The following SCARA3 variants were observed in gnomAD, a reference collection of about 807,000 sequenced individuals.
SCARA3 encodes the protein cellular stress response gene protein.
Under a neutral mutation model 47.0 loss-of-function variants are expected in SCARA3, and 39 were observed. That is an observed-to-expected ratio of 0.83 (90% CI 0.64 to 1.08). The LOEUF (loss-of-function observed/expected upper bound fraction) is 1.08, where lower values mean the gene tolerates loss of function less well. SCARA3 is among the 50% of genes least tolerant of loss of function. The pLI, the probability that SCARA3 is intolerant of heterozygous loss-of-function variation, is 0.00. For synonymous variants in SCARA3, 356 were observed against 334.1 expected (o/e 1.07, Z -0.71); for missense variants, 724 against 792.3 (o/e 0.91, Z 1.04).
intron 4 of SCARA3, 110 bp from the exon 5 acceptor site, chr8:27,658,386 G>T: frequency 9.6e-7 from 1 of 1,037,118 alleles, no homozygotes; most frequent in Non-Finnish European, 1.4e-6. Context: ...AAGGAAGTTG[G>T]TTTGGGAAGC....
chr8:27,668,329 A>G (rs1346705324), intron 5 of SCARA3, among the ~76,000 whole-genome samples: 1 of 150,624 alleles, frequency 6.6e-6, no homozygotes, highest in Non-Finnish European at 1.5e-5. Context: ...TCATGAGGTC[A>G]GGAGATCGAG....
the SCARA3 span, among the ~76,000 whole-genome samples, chr8:27,715,106 T>C: frequency 6.6e-6 from 1 of 152,016 alleles, no homozygotes; most frequent in East Asian, 1.9e-4. This position sits in a 1 kb window ranked among gnomAD's most constrained non-coding sequence, Gnocchi z 4.2. Flanking sequence ...TTTTATTTTT[T>C]GTACAGATGA....
At chr8:27,656,292 A>T (rs1447892618) in intron 3 of SCARA3, among the ~76,000 whole-genome samples, 1 of 152,194 alleles carries the variant, frequency 6.6e-6, no homozygotes, top group African/African-American at 2.4e-5. Context: ...TTAAGTACGT[A>T]TGTATAGGAA....
At chr8:27,705,737 T>A in the SCARA3 span, among the ~76,000 whole-genome samples, 3 of 152,220 alleles carry the variant, frequency 2.0e-5, no homozygotes, top group Non-Finnish European at 4.4e-5. Context: ...TGTAGCTTAG[T>A]GAGGACAAGC....
rs1802195287 is a variant in SCARA3, at chr8:27,672,668, G to A, written c.*1317G>A. 1 of 985,620 alleles carries A rather than the reference G, an allele frequency of 1.0e-6. No individual in the cohort carries two copies. Among genetic ancestry groups the A allele is most frequent in the Non-Finnish European group, 1.2e-6 (1 of 830,072 alleles). 61.1% of individuals were successfully genotyped at this position (985,620 alleles called of 1,614,324 possible). On this transcript the variant is annotated 3_prime_UTR_variant, in exon 6 of 6. Transcript: ENST00000301904. Reference sequence around the variant, plus strand: ...AGGCCCCCTCTGTCATCACTCCTTGGCACCCACCAACTTCCTGCACACACT... The same window carrying A: ...AGGCCCCCTCTGTCATCACTCCTTGACACCCACCAACTTCCTGCACACACT...
intron 5 of SCARA3, among the ~76,000 whole-genome samples, chr8:27,667,510 G>A (rs1180930400): frequency 2.0e-5 from 3 of 152,230 alleles, no homozygotes; most frequent in Non-Finnish European, 4.4e-5. Context: ...GTAGCGGCAT[G>A]GGGGAAGGAG....
chr8:27,641,422 G>C (rs35943509), intron 1 of SCARA3, among the ~76,000 whole-genome samples: 4,382 of 152,350 alleles, frequency 0.029, 178 homozygotes, highest in African/African-American at 0.096. Context: ...GAGGTGGGCT[G>C]ACCTGAGGAG....
chr8:27,662,210 C>A (rs1336427749), intron 5 of SCARA3, among the ~76,000 whole-genome samples: 1 of 152,192 alleles, frequency 6.6e-6, no homozygotes, highest in African/African-American at 2.4e-5. Flanking sequence ...CCATTACCTC[C>A]CCTTCATTTC....
At chr8:27,692,217 C>T in the SCARA3 span, among the ~76,000 whole-genome samples, 86 of 152,136 alleles carry the variant, frequency 5.7e-4, no homozygotes, top group African/African-American at 2.0e-3. Context: ...GTCGGGAGTT[C>T]GAGACCAGCC....
the SCARA3 span, among the ~76,000 whole-genome samples, chr8:27,712,895 A>C: frequency 6.6e-6 from 1 of 152,224 alleles, no homozygotes. Context: ...ACTCATGAAA[A>C]AGTTCCAAGT....
the SCARA3 span, among the ~76,000 whole-genome samples, chr8:27,719,841 C>A: frequency 7.9e-5 from 12 of 152,146 alleles, no homozygotes; most frequent in African/African-American, 2.9e-4. Context: ...AGACCTCTGT[C>A]ACCAAAATGT....
chr8:27,693,925 G>A, the SCARA3 span, among the ~76,000 whole-genome samples: 5 of 152,140 alleles, frequency 3.3e-5, no homozygotes, highest in South Asian at 2.1e-4. Flanking sequence ...ACCAATGTAC[G>A]TCTTACAGGT....
At chr8:27,712,679 C>G in the SCARA3 span, among the ~76,000 whole-genome samples, 1 of 152,038 alleles carries the variant, frequency 6.6e-6, no homozygotes, top group African/African-American at 2.4e-5. Context: ...TATCCATTCC[C>G]CTCTGAAGAA....
At chr8:27,732,276 G>A in the SCARA3 span, among the ~76,000 whole-genome samples, 1 of 152,084 alleles carries the variant, frequency 6.6e-6, no homozygotes, top group African/African-American at 2.4e-5. Context: ...CACTCACCAG[G>A]CTTGAGAACT....
In SCARA3 at chr8:27,671,107, G is replaced by A. The variant is rs769764877; in HGVS notation, c.1577G>A (p.Gly526Asp). Residue 526 changes from glycine (G) to aspartate (D), a missense_variant, in exon 6 of 6, where the codon GGC (glycine) becomes GAC (aspartate). By Grantham distance (94) the Gly-to-Asp change is moderately conservative. Coordinates refer to ENST00000301904, the MANE Select transcript of SCARA3 (RefSeq NM_016240.3). Reference sequence around the variant, plus strand: ...TTCCCAGGCCTCAAAGGCTCAAAGGGCAGCTTTGGAACTGGAGGGCCGAGA... The same window carrying A: ...TTCCCAGGCCTCAAAGGCTCAAAGGACAGCTTTGGAACTGGAGGGCCGAGA... Reference protein sequence around the residue: ...RGFPGLKGSKGSFGTGGPRGQ... With the variant: ...RGFPGLKGSKDSFGTGGPRGQ... 7 of 1,601,208 alleles carry A rather than the reference G, an allele frequency of 4.4e-6. No individual in the cohort carries two copies. The African/African-American group carries it at 5.4e-5, about 12-fold the overall frequency.
intron 1 of SCARA3, among the ~76,000 whole-genome samples, chr8:27,648,117 G>A (rs1026076631): frequency 6.6e-6 from 1 of 152,228 alleles, no homozygotes; most frequent in African/African-American, 2.4e-5. Flanking sequence ...CCTCAAGGTG[G>A]TTGTAGGTAT....
At chr8:27,715,220 C>T in the SCARA3 span, among the ~76,000 whole-genome samples, 5 of 152,158 alleles carry the variant, frequency 3.3e-5, no homozygotes, top group African/African-American at 1.2e-4. This position sits in a 1 kb window ranked among gnomAD's most constrained non-coding sequence, Gnocchi z 4.2. Flanking sequence ...GCCACCCTGC[C>T]CAGCTCAGGT....
At chr8:27,723,448 G>C in the SCARA3 span, among the ~76,000 whole-genome samples, 1 of 152,284 alleles carries the variant, frequency 6.6e-6, no homozygotes, top group East Asian at 1.9e-4. Flanking sequence ...CGCACTGACT[G>C]TCTCAATCTT....
chr8:27,660,854 A>C (rs372665385), intron 5 of SCARA3, among the ~76,000 whole-genome samples: 8,849 of 146,818 alleles, frequency 0.06, 286 homozygotes, highest in Non-Finnish European at 0.072. Flanking sequence ...AGATAGATAG[A>C]TAGATAGATA....
Sources: gnomAD v4.1 joint callset for allele counts (sites outside exome capture counted in the v4.1 genomes callset) on GRCh38, gnomAD v4.1.1 for gene constraint, Gnocchi (gnomAD v3.1) non-coding constraint, MANE v1.5 for transcripts, NCBI Gene and HGNC (gene_info 2026-07-23, HGNC 2026-07-21) for gene names.